Variants in CASQ1 observed in about 807,000 individuals in gnomAD.
CASQ1 encodes calsequestrin-1.
Under a neutral mutation model 49.5 loss-of-function variants are expected in CASQ1, and 40 were observed. The observed-to-expected ratio is 0.81, with a 90% CI of 0.63 to 1.05. The LOEUF is 1.05. CASQ1 is among the 50% of genes least tolerant of loss of function. The pLI is 0.00. For missense variants in CASQ1, 469 were observed against 486.9 expected, an observed-to-expected ratio of 0.96 and a Z score of 0.35; for synonymous variants, 174 against 187.2, an observed-to-expected ratio of 0.93 and a Z score of 0.58.
At position 160,198,772 on chromosome 1, in the gene CASQ1, G is replaced by A. The variant is rs757798653; in HGVS notation, c.883+41G>A. On this transcript the variant is annotated intron_variant, in intron 8 of 10. Transcript: ENST00000368078. ...CGGGTTGGACTGGAGGGAAGGCAGG[G>A]GGAGGTGGGTGTGTTTATTGGAGCA... 8.9e-6 allele frequency: 14 copies of A among 1,574,008 alleles called. No individual in the cohort carries two copies. In the Admixed American group the frequency reaches 1.7e-4, roughly 19 times the overall value.
chr1:160,197,641 C>T, intron 7 of CASQ1, 27 bp downstream of exon 7: 1 of 1,544,544 alleles, frequency 6.5e-7, no homozygotes, highest in Non-Finnish European at 9.0e-7. Flanking sequence ...AGGGTCAAGC[C>T]CTCAGGGAAG....
chr1:160,197,616 T>A lies in CASQ1; in HGVS notation c.828+2T>A. Reference sequence around the variant, plus strand: ...CCGGAGAGTATGTATGAGACCTGGGTGAGTGCCCCTGGCCAGGGTCAAGCC... The same window carrying A: ...CCGGAGAGTATGTATGAGACCTGGGAGAGTGCCCCTGGCCAGGGTCAAGCC... On this transcript the variant is annotated splice_donor_variant, in intron 7 of 10. Coordinates refer to ENST00000368078, the MANE Select transcript of CASQ1 (RefSeq NM_001231.5). LOFTEE classifies it high-confidence loss of function. The A allele has an allele frequency of 6.2e-7, 1 of 1,605,440 alleles. No homozygotes were observed. Among genetic ancestry groups the A allele is most frequent in the South Asian group, 1.1e-5 (1 of 90,932 alleles).
intron 1 of CASQ1, 136 bp from the exon 2 acceptor site, chr1:160,192,666 C>T: frequency 1.4e-6 from 1 of 719,536 alleles, no homozygotes; most frequent in Non-Finnish European, 2.5e-6. Flanking sequence ...GGGGGATATT[C>T]TGGATCTTAG....
chr1:160,200,487 G>A (rs1654344366), intron 10 of CASQ1, among the ~76,000 whole-genome samples: 1 of 152,184 alleles, frequency 6.6e-6, no homozygotes. Flanking sequence ...ATTTCTGCTT[G>A]ACAGAATCAG....
chr1:160,190,798 G>A lies in CASQ1; in HGVS notation c.47G>A (p.Arg16Gln), dbSNP rs557844880. 70 of 1,614,110 alleles carry A rather than the reference G, an allele frequency of 4.3e-5. No individual in the cohort carries two copies. Among genetic ancestry groups the A allele is most frequent in the South Asian group, 5.5e-5 (5 of 91,074 alleles). The change falls in exon 1 of 11, where the codon CGG becomes CAG. Residue 16 changes from arginine (R) to glutamine (Q), a missense_variant. Physicochemically the swap from Arg to Gln is conservative, Grantham distance 43 (BLOSUM62 1). Coordinates refer to ENST00000368078, the MANE Select transcript of CASQ1 (RefSeq NM_001231.5). Reference protein sequence around the residue: ...RMGPRAVPGLRLALLLLLVLG... With the variant: ...RMGPRAVPGLQLALLLLLVLG... The stretch of plus-strand genomic sequence containing the variant: ...GGGCCCAGAGCTGTGCCGGGTCTGC[G>A]GCTGGCACTGCTGTTGCTGCTGGTG...
Position 160,201,340 on chromosome 1 carries a change from C to A in CASQ1, c.1155C>A (p.Ile385=), listed in dbSNP as rs775425902. The part of the protein sequence containing the change: ...DWLEDVLEGE[I]NTEDDDDDDD... ...TGGAGGATGTCCTGGAGGGCGAGAT[C>A]AACACAGAGGACGATGACGATGATG... The change falls in exon 11 of 11, where the codon ATC becomes ATA. Residue 385 remains isoleucine (I), a synonymous_variant. Coordinates refer to ENST00000368078, the MANE Select transcript of CASQ1 (RefSeq NM_001231.5). The A allele has an allele frequency of 1.2e-6, 2 of 1,613,992 alleles. No individual in the cohort carries two copies. Among genetic ancestry groups the A allele is most frequent in the South Asian group, 1.1e-5 (1 of 91,054 alleles).
rs772773919 is a variant in CASQ1 at position 160,198,942 on chromosome 1, T to G, written c.884-11T>G. On this transcript the variant is annotated splice_polypyrimidine_tract_variant and intron_variant, in intron 8 of 10. Transcript: ENST00000368078. ...ACACACCTCATACCTTGTACTTGTG[T>G]TCCCTCCAAGATGGTTTCGAGTTCT... 1 of 1,561,338 alleles carries G rather than the reference T, an allele frequency of 6.4e-7. No homozygotes were observed. The highest frequency in any genetic ancestry group is 8.8e-7 in the Non-Finnish European group (1 of 1,131,756).
chr1:160,190,687 G>A lies in CASQ1; in HGVS notation c.-65G>A. 4 of 1,525,030 alleles carry A rather than the reference G, an allele frequency of 2.6e-6. No homozygotes were observed. Among genetic ancestry groups the A allele is most frequent in the South Asian group, 1.3e-5 (1 of 79,890 alleles). The allele number at this position is 1,525,030 out of a possible 1,614,324, so 94.5% of individuals were successfully genotyped here. ...CCTAACTCAGAATCTGGGACCCAGG[G>A]GCCCCTCCCTACCCCAGCTAACCTC... is the stretch of plus-strand genomic sequence containing the variant. On this transcript the variant is annotated 5_prime_UTR_variant, in exon 1 of 11. Coordinates refer to ENST00000368078, the MANE Select transcript of CASQ1 (RefSeq NM_001231.5).
At chr1:160,197,801 G>C (rs539687517) in intron 7 of CASQ1, among the ~76,000 whole-genome samples, 187 bp downstream of exon 7, 1 of 151,714 alleles carries the variant, frequency 6.6e-6, no homozygotes, top group Non-Finnish European at 1.5e-5. Flanking sequence ...GGTGGATCAC[G>C]AGGTCAGGAG....
chr1:160,198,655 T>G, intron 7 of CASQ1, 22 bp from the exon 8 acceptor site: 1 of 1,604,432 alleles, frequency 6.2e-7, no homozygotes, highest in Non-Finnish European at 8.5e-7. Flanking sequence ...AAAACCCTGT[T>G]CTCCTTCTTA....
chr1:160,200,324 T>G (rs1654339693), intron 10 of CASQ1, among the ~76,000 whole-genome samples: 1 of 152,216 alleles, frequency 6.6e-6, no homozygotes, highest in Admixed American at 6.5e-5. Context: ...ACACAGTAGG[T>G]GCTTCAAAAC....
At chr1:160,198,482 G>A (rs940296475) in intron 7 of CASQ1, among the ~76,000 whole-genome samples, 195 bp from the exon 8 acceptor site, 1 of 151,840 alleles carries the variant, frequency 6.6e-6, no homozygotes, top group African/African-American at 2.4e-5. Flanking sequence ...CTACCCTGGG[G>A]GACAGAGTGA....
intron 10 of CASQ1, among the ~76,000 whole-genome samples, chr1:160,200,905 T>C (rs1045457563): frequency 3.3e-5 from 5 of 152,194 alleles, no homozygotes; most frequent in Non-Finnish European, 5.9e-5. Flanking sequence ...AGAAATGTCC[T>C]GAATGCCGAA....
At chr1:160,195,179 C>A in intron 4 of CASQ1, 56 bp downstream of exon 4, 1 of 1,067,290 alleles carries the variant, frequency 9.4e-7, no homozygotes, top group Non-Finnish European at 1.4e-6. Context: ...CTCACCTGTC[C>A]TCCCACCTCC....
In CASQ1 at chr1:160,195,961, C is replaced by T. The variant is rs761886775; in HGVS notation, c.716C>T (p.Pro239Leu). 2 of 1,614,066 alleles carry T rather than the reference C, an allele frequency of 1.2e-6. No homozygotes were observed. Among genetic ancestry groups the T allele is most frequent in the Non-Finnish European group, 1.7e-6 (2 of 1,179,980 alleles). ...TTCTACGAGGCCTTCATGGAAGAGC[C>T]TGTGACCATCCCAGACAAGCCCAAT... is the stretch of plus-strand genomic sequence containing the variant. ...IDFYEAFMEE[P>L]VTIPDKPNSE... The change falls in exon 6 of 11, where the codon CCT becomes CTT. Residue 239 changes from proline (P) to leucine (L), a missense_variant. Physicochemically the swap from Pro to Leu is moderately conservative, Grantham distance 98. Transcript: ENST00000368078.
Position 160,190,704 on chromosome 1 carries a change from G to C in CASQ1, c.-48G>C. The C allele has an allele frequency of 1.3e-6, 2 of 1,584,582 alleles. No individual in the cohort carries two copies. Among genetic ancestry groups the C allele is most frequent in the Non-Finnish European group, 1.7e-6 (2 of 1,162,336 alleles). ...GACCCAGGGGCCCCTCCCTACCCCA[G>C]CTAACCTCTTCTGGACCAGGAGAGC... On this transcript the variant is annotated 5_prime_UTR_variant, in exon 1 of 11. Transcript: ENST00000368078.
At chr1:160,191,063 T>C (rs770706586) in intron 1 of CASQ1, 33 bp downstream of exon 1, 1 of 1,605,038 alleles carries the variant, frequency 6.2e-7, no homozygotes, top group Non-Finnish European at 8.5e-7. Context: ...CTGCAGAGCA[T>C]GTCTAGCCCC....
Position 160,201,672 on chromosome 1 carries a change from C to G in CASQ1, c.*296C>G. Reference sequence around the variant, plus strand: ...TCTCCATACTCTTTCTTGTGATTCTCCTCTAGCCATATATATGGGCCCCAT... The same window carrying G: ...TCTCCATACTCTTTCTTGTGATTCTGCTCTAGCCATATATATGGGCCCCAT... On this transcript the variant is annotated 3_prime_UTR_variant, in exon 11 of 11. Coordinates refer to ENST00000368078, the MANE Select transcript of CASQ1 (RefSeq NM_001231.5). 2.2e-6 allele frequency: 1 copy of G among 449,334 alleles called. No individual in the cohort carries two copies. The highest frequency in any genetic ancestry group is 4.1e-6 in the Non-Finnish European group (1 of 243,120). The allele number at this position is 449,334 out of a possible 1,614,324, so 27.8% of individuals were successfully genotyped here.
At chr1:160,201,176 T>C in intron 10 of CASQ1, 69 bp from the exon 11 acceptor site, 1 of 1,514,324 alleles carries the variant, frequency 6.6e-7, no homozygotes, top group Non-Finnish European at 9.0e-7. Context: ...CAGAGTCCAG[T>C]GAGTGGGAAG....
Sources: allele counts gnomAD v4.1 joint callset (sites outside exome capture counted in the v4.1 genomes callset), GRCh38; gene constraint gnomAD v4.1.1; transcripts MANE v1.5; gene names NCBI Gene and HGNC (gene_info 2026-07-23, HGNC 2026-07-21).